The following MYO1E variants were observed in gnomAD, a reference collection of about 807,000 sequenced individuals.
MYO1E encodes the protein myosin IE.
A neutral mutation model predicts 151.1 loss-of-function variants in MYO1E; 68 were observed. The ratio of observed to expected loss-of-function variants is 0.45; its 90% CI spans 0.37 to 0.55. MYO1E has a LOEUF of 0.55. Ranked by LOEUF, MYO1E falls within the 20% of genes least tolerant of loss-of-function variation. The probability of loss-of-function intolerance (pLI) is 0.00; values close to 1 mark genes in which losing one functional copy is unlikely to be tolerated. For missense variants in MYO1E, 1,363 were observed against 1,389.3 expected, an observed-to-expected ratio of 0.98 and a Z score of 0.30; for synonymous variants, 601 against 501.7, an observed-to-expected ratio of 1.20 and a Z score of -2.64.
chr15:59,229,286 G>A (rs1398427338), intron 6 of MYO1E, among the ~76,000 whole-genome samples: 1 of 152,152 alleles, frequency 6.6e-6, no homozygotes, highest in Non-Finnish European at 1.5e-5. Context: ...CCAACATGCT[G>A]TCAGCCCAGG....
chr15:59,220,013 C>T (rs1487111422), intron 9 of MYO1E, among the ~76,000 whole-genome samples: 9 of 152,180 alleles, frequency 5.9e-5, no homozygotes, highest in Admixed American at 3.3e-4. Context: ...GGACCCATGT[C>T]GGGTTGTTGT....
At chr15:59,311,978 C>T (rs1198697888) in intron 1 of MYO1E, among the ~76,000 whole-genome samples, 1 of 152,150 alleles carries the variant, frequency 6.6e-6, no homozygotes, top group Non-Finnish European at 1.5e-5. Flanking sequence ...AACTTCCCAG[C>T]CTCCAGGACC....
intron 2 of MYO1E, among the ~76,000 whole-genome samples, chr15:59,268,785 C>T (rs1321214496): frequency 8.0e-6 from 1 of 124,252 alleles, no homozygotes; most frequent in African/African-American, 2.9e-5. Context: ...ACCTACATTG[C>T]TCTAAAGGGT....
intron 1 of MYO1E, among the ~76,000 whole-genome samples, chr15:59,278,432 C>T (rs1420472149): frequency 2.0e-5 from 3 of 152,170 alleles, no homozygotes; most frequent in South Asian, 2.1e-4. Flanking sequence ...AATTTTAAGA[C>T]ATTCTGGAAT....
intron 1 of MYO1E, among the ~76,000 whole-genome samples, chr15:59,289,132 A>G (rs1477143383): frequency 1.3e-5 from 2 of 152,182 alleles, no homozygotes; most frequent in Non-Finnish European, 2.9e-5. Context: ...GCCATCCTGG[A>G]CTGGAACCAG....
intron 3 of MYO1E, among the ~76,000 whole-genome samples, chr15:59,258,904 T>C (rs957732074): frequency 5.3e-5 from 8 of 151,588 alleles, no homozygotes; most frequent in Non-Finnish European, 1.2e-4. Context: ...ACTTAAAATA[T>C]GTAAGGAGGC....
intron 2 of MYO1E, among the ~76,000 whole-genome samples, chr15:59,264,492 A>G (rs2080242003): frequency 6.6e-6 from 1 of 152,222 alleles, no homozygotes; most frequent in Non-Finnish European, 1.5e-5. Context: ...AATTTTTTTA[A>G]GTATGTTCCA....
chr15:59,138,294 G>GAGGCTT lies in MYO1E; in HGVS notation c.3148_3153dup (p.Lys1050_Pro1051dup). 1 of 1,614,254 alleles carries GAGGCTT rather than the reference G, an allele frequency of 6.2e-7. No homozygotes were observed. The highest frequency in any genetic ancestry group is 8.5e-7 in the Non-Finnish European group (1 of 1,180,046). On this transcript the variant is annotated inframe_insertion, in exon 27 of 28. Transcript: ENST00000288235. The stretch of plus-strand genomic sequence containing the variant: ...TACAAAGCCTTGCACTGTGGCACCT[G>GAGGCTT]AGGCTTGGGCTTGGGCTGGGGCTTG...
At chr15:59,196,921 A>C (rs2079769780) in intron 16 of MYO1E, among the ~76,000 whole-genome samples, 1 of 151,186 alleles carries the variant, frequency 6.6e-6, no homozygotes, top group African/African-American at 2.4e-5. Context: ...TTTTGTTCTT[A>C]AAATCCCCAA....
chr15:59,231,228 G>C (rs1391914949), intron 6 of MYO1E, among the ~76,000 whole-genome samples: 3 of 152,204 alleles, frequency 2.0e-5, no homozygotes, highest in Non-Finnish European at 4.4e-5. Context: ...AGCTCGCTCT[G>C]AGGGATGGAG....
chr15:59,340,772 C>T (rs980587322), intron 1 of MYO1E, among the ~76,000 whole-genome samples: 1 of 151,748 alleles, frequency 6.6e-6, no homozygotes, highest in African/African-American at 2.4e-5. Context: ...GCCTGTAATC[C>T]CAGCACTTTG....
intron 2 of MYO1E, among the ~76,000 whole-genome samples, chr15:59,264,467 A>C (rs2080241809): frequency 6.6e-6 from 1 of 152,214 alleles, no homozygotes; most frequent in African/African-American, 2.4e-5. Context: ...TAAATTGGAA[A>C]GTCATTCAAA....
At chr15:59,365,840 G>A (rs77673372) in intron 1 of MYO1E, among the ~76,000 whole-genome samples, 127 of 152,238 alleles carry the variant, frequency 8.3e-4, no homozygotes, top group African/African-American at 2.7e-3. Flanking sequence ...TAATTGTTCC[G>A]CCTTTGAGGC....
At chr15:59,331,435 G>T (rs1392728072) in intron 1 of MYO1E, among the ~76,000 whole-genome samples, 2 of 152,154 alleles carry the variant, frequency 1.3e-5, no homozygotes. Context: ...TATCAGAAAA[G>T]AAACAACTGA....
intron 11 of MYO1E, 145 bp downstream of exon 11, chr15:59,214,495 A>C: frequency 2.0e-6 from 2 of 1,003,574 alleles, no homozygotes; most frequent in South Asian, 2.7e-5. Context: ...AGAACTCACA[A>C]AGGCAAAAAT....
At chr15:59,315,356 C>G (rs2080581437) in intron 1 of MYO1E, among the ~76,000 whole-genome samples, 3 of 152,044 alleles carry the variant, frequency 2.0e-5, no homozygotes, top group African/African-American at 7.2e-5. Context: ...ACATTTTAAT[C>G]TCAGAACTGG....
chr15:59,236,418 AC>A (rs2080066669), intron 5 of MYO1E, among the ~76,000 whole-genome samples, 166 bp downstream of exon 5: 1 of 145,820 alleles, frequency 6.9e-6, no homozygotes, highest in South Asian at 2.2e-4. Flanking sequence ...ACACACACAC[AC>A]AAACACACAT....
At chr15:59,308,366 T>C (rs571365379) in intron 1 of MYO1E, among the ~76,000 whole-genome samples, 1 of 149,398 alleles carries the variant, frequency 6.7e-6, no homozygotes, top group South Asian at 2.1e-4. Flanking sequence ...TGAAACCTCA[T>C]CTCTACTAAA....
chr15:59,173,205 C>T (rs950256148), intron 21 of MYO1E, among the ~76,000 whole-genome samples: 6 of 152,136 alleles, frequency 3.9e-5, no homozygotes, highest in Non-Finnish European at 5.9e-5. Flanking sequence ...TTTGATTCAA[C>T]GATTTCACTC....
Sources: allele counts gnomAD v4.1 joint callset (sites outside exome capture counted in the v4.1 genomes callset), GRCh38; gene constraint gnomAD v4.1.1; transcripts MANE v1.5; gene names NCBI Gene and HGNC (gene_info 2026-07-23, HGNC 2026-07-21).